The following ANO9 variants were observed in gnomAD, a reference collection of about 807,000 sequenced individuals.
The protein encoded by ANO9 is anoctamin-9.
In ANO9, 80 loss-of-function variants were observed where a neutral mutation model predicts 100.5. The observed-to-expected ratio is 0.80, with a 90% CI of 0.66 to 0.96. ANO9 has a LOEUF of 0.96. Among genes scored for constraint, ANO9 ranks in the 40% least tolerant of loss-of-function variants. The pLI, the probability that ANO9 is intolerant of heterozygous loss-of-function variation, is 0.00. For missense variants in ANO9, 1,064 were observed against 1,072.7 expected, an observed-to-expected ratio of 0.99 and a Z score of 0.11; for synonymous variants, 473 against 435.6, an observed-to-expected ratio of 1.09 and a Z score of -1.07.
intron 1 of ANO9, among the ~76,000 whole-genome samples, chr11:436,596 C>T (rs113470276): frequency 6.0e-5 from 9 of 148,870 alleles, no homozygotes; most frequent in African/African-American, 1.2e-4. Context: ...AGTTAGGAAC[C>T]GGGCCACAGA....
rs1848221689 is a variant in ANO9 at position 421,921 on chromosome 11, AG to A, written c.1335-724del. ...CTGGAATTCCTTGCAAATAAGCAAG[AG>A]AAATATGAAGTATAAATAGTATACA... On this transcript the variant is annotated intron_variant, in intron 15 of 22. Coordinates refer to ENST00000332826, the MANE Select transcript of ANO9 (RefSeq NM_001012302.3). The surrounding 1 kb of genome is among the most constrained non-coding windows in gnomAD (Gnocchi z 6.8). Among the ~76,000 whole-genome samples, 1 of 152,266 alleles carries A rather than the reference AG, an allele frequency of 6.6e-6. No individual in the cohort carries two copies. Among genetic ancestry groups the A allele is most frequent in the Non-Finnish European group, 1.5e-5 (1 of 68,046 alleles).
rs200333682 is a variant in ANO9 at position 434,095 on chromosome 11, C to T, written c.10G>A (p.Glu4Lys). The change falls in exon 2 of 23, where the codon GAA (glutamate) becomes AAA (lysine). Residue 4 changes from glutamate (E) to lysine (K), a missense_variant. By Grantham distance (56) the Glu-to-Lys change is moderately conservative. Coordinates refer to ENST00000332826, the MANE Select transcript of ANO9 (RefSeq NM_001012302.3). ...TCCACCAGGATCCGGAGGCTCTCTT[C>T]GCCCTGGGGGTTTGGGGGCAGAGAA... The part of the protein sequence containing the change: MQG[E>K]ESLRILVEPE... 2.9e-4 allele frequency: 457 copies of T among 1,550,318 alleles called. No individual in the cohort carries two copies. The highest frequency in any genetic ancestry group is 3.8e-4 in the African/African-American group (28 of 73,180).
At chr11:427,560 C>T (rs1848594080) in intron 15 of ANO9, among the ~76,000 whole-genome samples, 1 of 149,522 alleles carries the variant, frequency 6.7e-6, no homozygotes, top group African/African-American at 2.5e-5. Context: ...GGTGAGACCC[C>T]ATTTCTACAA....
intron 9 of ANO9, 47 bp from the exon 10 acceptor site, chr11:429,865 A>AG (rs1288240841): frequency 1.0e-6 from 1 of 993,292 alleles, no homozygotes; most frequent in Non-Finnish European, 1.3e-6. Flanking sequence ...TGAGCTGGGG[A>AG]GGGGGGCAGG....
In ANO9 at chr11:418,472, C is replaced by T; in HGVS notation, c.2248G>A (p.Gly750Arg). 1.9e-6 allele frequency: 3 copies of T among 1,613,090 alleles called. No homozygotes were observed. Among genetic ancestry groups the T allele is most frequent in the Non-Finnish European group, 2.5e-6 (3 of 1,180,016 alleles). Reference sequence around the variant, plus strand: ...CCCACCCCACCCAGCCTCTGCCTTCCATGCCACATCTTCTCACGCAGCCTC... The same window carrying T: ...CCCACCCCACCCAGCCTCTGCCTTCTATGCCACATCTTCTCACGCAGCCTC... ...YQRLREKMWH[G>R]RQRLGGVGAG... Residue 750 changes from glycine to arginine, a missense_variant, in exon 23 of 23, where the codon GGA (glycine) becomes AGA (arginine). Transcript: ENST00000332826.
In ANO9 at chr11:430,311, A is replaced by T; in HGVS notation, c.632T>A (p.Val211Asp). 6.2e-7 allele frequency: 1 copy of T among 1,605,868 alleles called. No individual in the cohort carries two copies. The highest frequency in any genetic ancestry group is 8.5e-7 in the Non-Finnish European group (1 of 1,177,260). ...AAACAGCGAGAATCCGCTCAGAAAGACTAAGAGGCCCGTCAGGGCGGCCGG... is the reference window on the plus strand; with the variant it reads ...AAACAGCGAGAATCCGCTCAGAAAGTCTAAGAGGCCCGTCAGGGCGGCCGG... The part of the protein sequence containing the change: ...LVPAALTGLL[V>D]FLSGFSLFEA... Residue 211 changes from valine to aspartate, a missense_variant, in exon 8 of 23, where the codon GTC (valine) becomes GAC (aspartate). Transcript: ENST00000332826.
chr11:425,914 A>G (rs984165177), intron 15 of ANO9, among the ~76,000 whole-genome samples: 1 of 57,188 alleles, frequency 1.7e-5, no homozygotes, highest in Admixed American at 1.5e-4. Flanking sequence ...ATTTTTTTTT[A>G]GTAGAGATGG....
At chr11:435,856 CTAGTCTAGTATAGCA>C (rs1220302274) in intron 1 of ANO9, among the ~76,000 whole-genome samples, 5 of 148,332 alleles carry the variant, frequency 3.4e-5, no homozygotes, top group Admixed American at 2.0e-4. Flanking sequence ...CTAGTCTAGT[CTAGTCTAGTATAGCA>C]TAGTATAGCA....
At chr11:429,342 A>T (rs1590459598) in intron 11 of ANO9, 1 of 1,036,080 alleles carries the variant, frequency 9.7e-7, no homozygotes, top group East Asian at 2.7e-5. Flanking sequence ...AGACACAGCG[A>T]CACGCCTCAC....
chr11:430,128 G>A lies in ANO9; in HGVS notation c.726C>T (p.His242=), dbSNP rs1420609516. 2 of 1,553,538 alleles carry A rather than the reference G, an allele frequency of 1.3e-6. No individual in the cohort carries two copies. Among genetic ancestry groups the A allele is most frequent in the Non-Finnish European group, 1.7e-6 (2 of 1,149,058 alleles). The part of the protein sequence containing the change: ...HDILMCPLGD[H]SRRYQRLSET... ...CCGAGAGCCGCTGGTACCTGCGGCT[G>A]TGGTCGCCGAGGGGACACATGAGGA... Residue 242 remains histidine (H), a synonymous_variant, in exon 9 of 23, where the codon CAC becomes CAT. Transcript: ENST00000332826.
rs1197130487 is a variant in ANO9, at chr11:431,603, G to A, written c.539+91C>T. On this transcript the variant is annotated intron_variant, in intron 7 of 22. Coordinates refer to ENST00000332826, the MANE Select transcript of ANO9 (RefSeq NM_001012302.3). ...CCCGCGGGTATCTGGGGGCTTCCGC[G>A]GGGGTGTGGGGGCGTCCGCGGGTAT... is the stretch of plus-strand genomic sequence containing the variant. 8.3e-6 allele frequency: 10 copies of A among 1,201,128 alleles called. 2 individuals are homozygous for A. The African/African-American group carries it at 1.5e-4, about 18-fold the overall frequency. The allele number at this position is 1,201,128 out of a possible 1,614,324, so 74.4% of individuals were successfully genotyped here.
At position 433,357 on chromosome 11, in the gene ANO9, G is replaced by A. The variant is rs79329594; in HGVS notation, c.307C>T (p.His103Tyr). Residue 103 changes from histidine (H) to tyrosine (Y), a missense_variant, in exon 4 of 23, where the codon CAC becomes TAC. Physicochemically the swap from His to Tyr is moderately conservative, Grantham distance 83. Transcript: ENST00000332826. Reference protein sequence around the residue: ...LLLEPEGPAPHAELAAPTTIP... With the variant: ...LLLEPEGPAPYAELAAPTTIP... ...GTGGTCGGCGCGGCCAGCTCGGCGT[G>A]GGGGGCAGGCCCCTCAGGCTCCAGG... The A allele has an allele frequency of 5.0e-6, 8 of 1,607,656 alleles. No individual in the cohort carries two copies. The highest frequency in any genetic ancestry group is 2.2e-5 in the East Asian group (1 of 44,888).
intron 1 of ANO9, among the ~76,000 whole-genome samples, chr11:435,261 A>C (rs200010050): frequency 2.7e-5 from 4 of 150,348 alleles, no homozygotes; most frequent in South Asian, 2.1e-4. Context: ...CTAGTATGGT[A>C]TAGTCTAGTC....
In ANO9 at chr11:432,089, A is replaced by G. The variant is rs1333226209; in HGVS notation, c.351-35T>C. 6.2e-7 allele frequency: 1 copy of G among 1,610,760 alleles called. No individual in the cohort carries two copies. Among genetic ancestry groups the G allele is most frequent in the Non-Finnish European group, 8.5e-7 (1 of 1,178,824 alleles). On this transcript the variant is annotated intron_variant, in intron 4 of 22. Coordinates refer to ENST00000332826, the MANE Select transcript of ANO9 (RefSeq NM_001012302.3). This position sits in a 1 kb window ranked among gnomAD's most constrained non-coding sequence, Gnocchi z 4.8. ...CAGAGCAGGGTGGCCCCGTGTGACC[A>G]CAGTGGACCCTGCCTCCAGGTCTCA...
At chr11:433,770 C>T in intron 3 of ANO9, 45 bp downstream of exon 3, 1 of 1,531,486 alleles carries the variant, frequency 6.5e-7, no homozygotes, top group Non-Finnish European at 8.8e-7. Context: ...CGCTGGACAC[C>T]CGCCCCGGCC....
At chr11:426,858 A>T (rs1273880104) in intron 15 of ANO9, among the ~76,000 whole-genome samples, 1 of 152,170 alleles carries the variant, frequency 6.6e-6, no homozygotes, top group Non-Finnish European at 1.5e-5. Context: ...CTAGAAGCTC[A>T]CTAGGGGTTT....
Position 428,625 on chromosome 11 carries a change from G to C in ANO9, c.1035C>G (p.Ile345Met). ...VLTLLMICLM[I>M]GMAHVLVVYR... The stretch of plus-strand genomic sequence containing the variant: ...AGACCACCAGGACGTGGGCCATGCC[G>C]ATCATGAGGCAGATCTGCGGGACAG... The change falls in exon 13 of 23, where the codon ATC (isoleucine) becomes ATG (methionine). Residue 345 changes from isoleucine (I) to methionine (M), a missense_variant. Coordinates refer to ENST00000332826, the MANE Select transcript of ANO9 (RefSeq NM_001012302.3). 1 of 1,611,952 alleles carries C rather than the reference G, an allele frequency of 6.2e-7. No homozygotes were observed. The highest frequency in any genetic ancestry group is 1.3e-5 in the African/African-American group (1 of 75,056).
At chr11:437,059 T>TGGGGGGGAGCA (rs1845400015) in intron 1 of ANO9, among the ~76,000 whole-genome samples, 1 of 64,438 alleles carries the variant, frequency 1.6e-5, no homozygotes, top group Admixed American at 1.5e-4. Context: ...GGGGGTGAGC[T>TGGGGGGGAGCA]GGGGGTGAAT....
intron 3 of ANO9, 143 bp from the exon 4 acceptor site, chr11:433,602 C>T: frequency 6.9e-7 from 1 of 1,456,026 alleles, no homozygotes; most frequent in Non-Finnish European, 9.2e-7. Flanking sequence ...CCGCTGTGGC[C>T]CAGAGCCACG....
Sources: allele counts gnomAD v4.1 joint callset (sites outside exome capture counted in the v4.1 genomes callset), GRCh38; gene constraint gnomAD v4.1.1; non-coding constraint Gnocchi (gnomAD v3.1); transcripts MANE v1.5; gene names NCBI Gene and HGNC (gene_info 2026-07-23, HGNC 2026-07-21).